TRMT9B: variants seen among roughly 807,000 people sequenced by gnomAD.
The protein encoded by TRMT9B is tRNA methyltransferase 9B (putative).
In TRMT9B, 16 loss-of-function variants were observed where a neutral mutation model predicts 11.5. That is an observed-to-expected ratio of 1.39 (90% CI 0.94 to 2.11). The LOEUF (loss-of-function observed/expected upper bound fraction) is 2.11. Ranked by LOEUF, TRMT9B falls within the 30% of genes most tolerant of loss-of-function variation. The probability of loss-of-function intolerance (pLI) is 0.00; values close to 1 mark genes in which losing one functional copy is unlikely to be tolerated. For synonymous variants in TRMT9B, 274 were observed against 192.4 expected, an observed-to-expected ratio of 1.42 and a Z score of -3.51; for missense variants, 941 against 553.8, an observed-to-expected ratio of 1.70 and a Z score of -7.02.
chr8:12,981,359 T>G (rs1321998361), intron 1 of TRMT9B, among the ~76,000 whole-genome samples: 1 of 152,130 alleles, frequency 6.6e-6, no homozygotes, highest in African/African-American at 2.4e-5. Context: ...GGGTGGGACA[T>G]CATGAGCAAA....
chr8:12,950,233 G>A, intron 1 of TRMT9B, among the ~76,000 whole-genome samples: 1 of 152,126 alleles, frequency 6.6e-6, no homozygotes, highest in East Asian at 1.9e-4. Context: ...ACCTATAACT[G>A]ATTTCCCTTA....
chr8:13,005,441 G>A (rs1035854416), intron 2 of TRMT9B, among the ~76,000 whole-genome samples: 1 of 152,150 alleles, frequency 6.6e-6, no homozygotes, highest in Non-Finnish European at 1.5e-5. Flanking sequence ...ATATTGGATT[G>A]TTTGTAACAT....
At chr8:12,959,534 T>TTTTTTTTTTTTTTTTC (rs1801788195) in intron 1 of TRMT9B, among the ~76,000 whole-genome samples, 1 of 140,210 alleles carries the variant, frequency 7.1e-6, no homozygotes, top group Non-Finnish European at 1.5e-5. Flanking sequence ...TTTTTTTTTT[T>TTTTTTTTTTTTTTTTC]TTTTTGACAG....
chr8:13,024,496 T>C lies in TRMT9B; in HGVS notation c.*2452T>C, dbSNP rs1814449630. 1.2e-5 allele frequency: 2 copies of C among 167,096 alleles called. No individual in the cohort carries two copies. Among genetic ancestry groups the C allele is most frequent in the African/African-American group, 2.4e-5 (1 of 41,462 alleles). 10.4% of individuals were successfully genotyped at this position (167,096 alleles called of 1,614,324 possible). On this transcript the variant is annotated 3_prime_UTR_variant, in exon 5 of 5. Transcript: ENST00000524591. The stretch of plus-strand genomic sequence containing the variant: ...GATTGTTCCTCTCTCTGAAGCCTAT[T>C]GTCACATGGGTTTTTAATCCTGGCC...
intron 3 of TRMT9B, among the ~76,000 whole-genome samples, chr8:13,008,547 C>G (rs2460370): frequency 0.84 from 128,526 of 152,146 alleles, 54,382 homozygotes; most frequent in Non-Finnish European, 0.86. Context: ...TCAGCAGGTA[C>G]ATTAACTGCA....
At chr8:13,003,881 C>A (rs1488880337) in intron 2 of TRMT9B, among the ~76,000 whole-genome samples, 2 of 150,416 alleles carry the variant, frequency 1.3e-5, no homozygotes, top group Non-Finnish European at 3.0e-5. Context: ...GACTTCATAT[C>A]ACTAAAGGAA....
chr8:12,992,688 C>T (rs915335077), intron 2 of TRMT9B, among the ~76,000 whole-genome samples: 11 of 151,064 alleles, frequency 7.3e-5, no homozygotes, highest in African/African-American at 2.7e-4. Flanking sequence ...CCCATCTCTA[C>T]TAAAATACAA....
In TRMT9B at chr8:13,011,127, C is replaced by G. The variant is rs749498660; in HGVS notation, c.155-1557C>G. On this transcript the variant is annotated intron_variant, in intron 3 of 4. Transcript: ENST00000524591. The stretch of plus-strand genomic sequence containing the variant: ...TCAGCCTCCTGAGTAACTGGGATTA[C>G]AGGTACCTGCCACCACACCCAGCTA... 100 of 309,854 alleles carry G rather than the reference C, an allele frequency of 3.2e-4. 1 individual carries two copies. The highest frequency in any genetic ancestry group is 4.3e-4 in the Non-Finnish European group (92 of 212,872). 19.2% of individuals were successfully genotyped at this position (309,854 alleles called of 1,614,324 possible). A position where few individuals can be genotyped will look rare whatever the true frequency, so the allele number is the denominator to read the frequency against.
Position 13,029,392 on chromosome 8 carries a change from C to T in TRMT9B, c.*7348C>T, listed in dbSNP as rs938631505. 26 of 166,800 alleles carry T rather than the reference C, an allele frequency of 1.6e-4. No homozygotes were observed. The highest frequency in any genetic ancestry group is 3.3e-4 in the Admixed American group (5 of 15,274). 10.3% of individuals were successfully genotyped at this position (166,800 alleles called of 1,614,324 possible). A position where few individuals can be genotyped will look rare whatever the true frequency, so the allele number is the denominator to read the frequency against. ...AAATATTTTGACTTTTATAATAATGCGAAGTAGTTTTATTTGCATTAATCA... is the reference window on the plus strand; with the variant it reads ...AAATATTTTGACTTTTATAATAATGTGAAGTAGTTTTATTTGCATTAATCA... On this transcript the variant is annotated 3_prime_UTR_variant, in exon 5 of 5. Coordinates refer to ENST00000524591, the MANE Select transcript of TRMT9B (RefSeq NM_020844.3).
intron 1 of TRMT9B, among the ~76,000 whole-genome samples, chr8:12,956,429 C>G (rs1801319080): frequency 6.6e-6 from 1 of 152,156 alleles, no homozygotes; most frequent in African/African-American, 2.4e-5. Flanking sequence ...GAAAAAGCAT[C>G]AAGCAAATGA....
chr8:12,975,331 T>C (rs1005000281), intron 1 of TRMT9B, among the ~76,000 whole-genome samples: 3 of 152,204 alleles, frequency 2.0e-5, no homozygotes, highest in African/African-American at 7.2e-5. Flanking sequence ...AAATATTTTG[T>C]TGATCATGTA....
At chr8:12,988,101 T>C (rs1232704801) in intron 1 of TRMT9B, among the ~76,000 whole-genome samples, 2 of 152,206 alleles carry the variant, frequency 1.3e-5, no homozygotes, top group African/African-American at 4.8e-5. Context: ...TGTGTCTTTC[T>C]TTTTGCATAT....
At chr8:12,946,034 C>A (rs965027678) in intron 1 of TRMT9B, 68 bp downstream of exon 1, 1 of 152,176 alleles carries the variant, frequency 6.6e-6, no homozygotes, top group African/African-American at 2.4e-5. Flanking sequence ...TAATGTTTGT[C>A]ATCCCACGAG....
intron 2 of TRMT9B, among the ~76,000 whole-genome samples, chr8:12,992,102 T>G (rs1488985329): frequency 6.6e-6 from 1 of 152,180 alleles, no homozygotes; most frequent in Non-Finnish European, 1.5e-5. Flanking sequence ...GTATTGTTGT[T>G]TTGCAGAGGG....
chr8:13,009,858 G>GT (rs1158935003), intron 3 of TRMT9B, among the ~76,000 whole-genome samples: 2 of 152,152 alleles, frequency 1.3e-5, no homozygotes, highest in Admixed American at 1.3e-4. Flanking sequence ...GCCAGGCGCG[G>GT]TATCTCACAC....
intron 4 of TRMT9B, among the ~76,000 whole-genome samples, chr8:13,016,154 G>T (rs926621758): frequency 1.0e-5 from 1 of 98,302 alleles, no homozygotes. Context: ...CCCTGTACCT[G>T]AAAATCATAT....
At chr8:12,955,449 A>G (rs995197099) in intron 1 of TRMT9B, among the ~76,000 whole-genome samples, 13 of 151,974 alleles carry the variant, frequency 8.6e-5, no homozygotes, top group African/African-American at 3.1e-4. Context: ...TTTTCTCTCT[A>G]GGGGTCCCGA....
chr8:13,012,228 T>C, intron 3 of TRMT9B: 1 of 985,540 alleles, frequency 1.0e-6, no homozygotes, highest in Non-Finnish European at 1.2e-6. Context: ...GCTTTTCTTT[T>C]GCTTTTGTGA....
chr8:13,029,338 C>CA lies in TRMT9B; in HGVS notation c.*7296dup, dbSNP rs1484559685. On this transcript the variant is annotated 3_prime_UTR_variant, in exon 5 of 5. Transcript: ENST00000524591. ...TTTGACTTTTCCCAGGGGAAGCTAG[C>CA]AATAGTTTTAAAAGCACAAAGTGAT... 1.2e-5 allele frequency: 2 copies of CA among 166,944 alleles called. No individual in the cohort carries two copies. Among genetic ancestry groups the CA allele is most frequent in the Non-Finnish European group, 2.9e-5 (2 of 68,096 alleles). The allele number at this position is 166,944 out of a possible 1,614,324, so 10.3% of individuals were successfully genotyped here. A position where few individuals can be genotyped will look rare whatever the true frequency, so the allele number is the denominator to read the frequency against.
Sources: allele counts gnomAD v4.1 joint callset (sites outside exome capture counted in the v4.1 genomes callset), GRCh38; gene constraint gnomAD v4.1.1; transcripts MANE v1.5; gene names NCBI Gene and HGNC (gene_info 2026-07-23, HGNC 2026-07-21).